Variants in NBAS observed in about 807,000 individuals in gnomAD.
NBAS encodes the protein NAG/BC035112 fusion.
In NBAS, 219 loss-of-function variants were observed where a neutral mutation model predicts 302.5. The ratio of observed to expected loss-of-function variants is 0.72; its 90% CI spans 0.65 to 0.81. The LOEUF (loss-of-function observed/expected upper bound fraction) is 0.81, where lower values mean the gene tolerates loss of function less well. NBAS is among the 30% of genes least tolerant of loss of function. The probability of loss-of-function intolerance (pLI) is 0.00; values close to 1 mark genes in which losing one functional copy is unlikely to be tolerated. For synonymous variants in NBAS, 1,118 were observed against 1,021.6 expected (o/e 1.09, Z -1.80); for missense variants, 2,932 against 2,841.6 (o/e 1.03, Z -0.72).
chr2:15,011,763 A>G, the NBAS span, among the ~76,000 whole-genome samples: 1,865 of 152,244 alleles, frequency 0.012, 47 homozygotes, highest in African/African-American at 0.043. Context: ...CACTACCACA[A>G]ACAATCTCAG....
At chr2:14,823,921 A>G in the NBAS span, among the ~76,000 whole-genome samples, 3 of 152,250 alleles carry the variant, frequency 2.0e-5, no homozygotes, top group Non-Finnish European at 2.9e-5. Context: ...ACAGAACAGA[A>G]GAAAACCAAA....
At chr2:15,238,433 A>G in intron 45 of NBAS, 35 bp downstream of exon 45, 1 of 1,581,862 alleles carries the variant, frequency 6.3e-7, no homozygotes, top group Non-Finnish European at 8.7e-7. Flanking sequence ...ATATACTGAT[A>G]CAGAGTGAGC....
chr2:15,397,780 C>T, intron 26 of NBAS: 1 of 228,314 alleles, frequency 4.4e-6, no homozygotes, highest in East Asian at 1.3e-4. Context: ...TTTTCTTTGT[C>T]ATCTTGGAGG....
chr2:15,455,444 T>C (rs1244420442), intron 21 of NBAS, among the ~76,000 whole-genome samples: 1 of 152,092 alleles, frequency 6.6e-6, no homozygotes, highest in African/African-American at 2.4e-5. Flanking sequence ...CCTAGGTGAA[T>C]AGTATATAAG....
At chr2:15,199,057 G>A (rs1430748541) in intron 48 of NBAS, among the ~76,000 whole-genome samples, 2 of 145,772 alleles carry the variant, frequency 1.4e-5, no homozygotes, top group African/African-American at 2.6e-5. Context: ...AACCCATGAG[G>A]CAGAGCTTGC....
chr2:14,842,850 A>G, the NBAS span, among the ~76,000 whole-genome samples: 1 of 150,370 alleles, frequency 6.7e-6, no homozygotes, highest in Non-Finnish European at 1.5e-5. Flanking sequence ...AAATGACAAA[A>G]AAAAAAAAAA....
chr2:14,841,660 C>T, the NBAS span, among the ~76,000 whole-genome samples: 2 of 152,000 alleles, frequency 1.3e-5, no homozygotes, highest in Admixed American at 1.3e-4. Context: ...ACACTCAATA[C>T]AGTCAACACC....
At chr2:15,095,324 A>G in the NBAS span, among the ~76,000 whole-genome samples, 1 of 152,180 alleles carries the variant, frequency 6.6e-6, no homozygotes, top group African/African-American at 2.4e-5. Flanking sequence ...GTGCCTGGGG[A>G]GGCCTCACAA....
At chr2:14,939,982 G>T in the NBAS span, among the ~76,000 whole-genome samples, 2 of 152,254 alleles carry the variant, frequency 1.3e-5, no homozygotes, top group South Asian at 2.1e-4. Context: ...CTGACATCTG[G>T]CTCATTCATT....
Position 15,328,268 on chromosome 2 carries a change from A to T in NBAS, c.4392T>A (p.Asn1464Lys), listed in dbSNP as rs1572664411. 6.2e-7 allele frequency: 1 copy of T among 1,613,996 alleles called. No individual in the cohort carries two copies. The highest frequency in any genetic ancestry group is 1.3e-5 in the African/African-American group (1 of 75,000). ...GGAYQIGTTA[N>K]EDLEKQGCHP... The stretch of plus-strand genomic sequence containing the variant: ...GACACCCTTGTTTCTCTAGATCTTC[A>T]TTGGCTGTAGTTCCGATTTGATATG... Residue 1464 changes from asparagine (N) to lysine (K), a missense_variant, in exon 37 of 52, where the codon AAT becomes AAA. Coordinates refer to ENST00000281513, the MANE Select transcript of NBAS (RefSeq NM_015909.4).
the NBAS span, among the ~76,000 whole-genome samples, chr2:14,966,887 C>T: frequency 1.6e-4 from 25 of 152,156 alleles, no homozygotes; most frequent in South Asian, 3.7e-3. Flanking sequence ...TGATCATCTA[C>T]GCAGAACATC....
chr2:14,989,403 C>T, the NBAS span, among the ~76,000 whole-genome samples: 6 of 151,414 alleles, frequency 4.0e-5, no homozygotes, highest in East Asian at 9.7e-4. Flanking sequence ...ACTAGAAATA[C>T]AAAAATTAGC....
chr2:15,491,974 G>T (rs1680875798), intron 11 of NBAS, among the ~76,000 whole-genome samples: 1 of 152,102 alleles, frequency 6.6e-6, no homozygotes, highest in African/African-American at 2.4e-5. Flanking sequence ...ACAATAAATT[G>T]TATTAACTAG....
chr2:15,461,057 T>C, intron 21 of NBAS, 144 bp downstream of exon 21: 1 of 797,608 alleles, frequency 1.3e-6, no homozygotes, highest in South Asian at 2.0e-5. Context: ...TTCAGGACCA[T>C]TTACAATAAC....
intron 21 of NBAS, among the ~76,000 whole-genome samples, chr2:15,460,804 T>G (rs1455976431): frequency 1.3e-5 from 2 of 152,190 alleles, no homozygotes; most frequent in Admixed American, 1.3e-4. Context: ...AAGAAAGGGT[T>G]GCTGAGCAAA....
chr2:14,987,902 G>A, the NBAS span, among the ~76,000 whole-genome samples: 61,200 of 151,812 alleles, frequency 0.4, 13,098 homozygotes, highest in African/African-American at 0.54. Flanking sequence ...GTCTTACCCC[G>A]GTATTCAAAT....
rs370682392 is a variant in NBAS at position 15,511,180 on chromosome 2, T to C, written c.885+32A>G. On this transcript the variant is annotated intron_variant, in intron 10 of 51. Coordinates refer to ENST00000281513, the MANE Select transcript of NBAS (RefSeq NM_015909.4). ...ACAAATAGCACAGTGAAATGACACA[T>C]AGCAAAGTGAAGTGCCATAACTCAT... 19 of 1,613,356 alleles carry C rather than the reference T, an allele frequency of 1.2e-5. No homozygotes were observed. In the African/African-American group the frequency reaches 1.2e-4, roughly 10 times the overall value.
intron 30 of NBAS, among the ~76,000 whole-genome samples, chr2:15,376,641 G>A (rs148122260): frequency 1.5e-3 from 234 of 152,170 alleles, no homozygotes; most frequent in African/African-American, 4.8e-3. Flanking sequence ...ACTTTTAAGC[G>A]TTGCTAGGTC....
chr2:15,191,640 C>T (rs553174714), intron 48 of NBAS, among the ~76,000 whole-genome samples: 4 of 152,028 alleles, frequency 2.6e-5, no homozygotes, highest in Non-Finnish European at 5.9e-5. Context: ...CCAACCATCC[C>T]GGTGGCACGA....
Sources: gnomAD v4.1 joint callset for allele counts (sites outside exome capture counted in the v4.1 genomes callset) on GRCh38, gnomAD v4.1.1 for gene constraint, MANE v1.5 for transcripts, NCBI Gene and HGNC (gene_info 2026-07-23, HGNC 2026-07-21) for gene names.